Variants in NHSL2 observed in about 807,000 individuals in gnomAD.
NHSL2 encodes the protein NHS like 2.
In NHSL2, 27 loss-of-function variants were observed where a neutral mutation model predicts 53.4. The ratio of observed to expected loss-of-function variants is 0.51; its 90% confidence interval spans 0.37 to 0.70. NHSL2 has a LOEUF of 0.70. Among genes scored for constraint, NHSL2 ranks in the 30% least tolerant of loss-of-function variants. The pLI is 0.00. For missense variants in NHSL2, 892 were observed against 980.1 expected, an observed-to-expected ratio of 0.91 and a Z score of 1.20; for synonymous variants, 408 against 404.1, an observed-to-expected ratio of 1.01 and a Z score of -0.12.
At chrX:72,126,305 C>T (rs933907935) in intron 1 of NHSL2, among the ~76,000 whole-genome samples, 4 of 110,990 alleles carry the variant, frequency 3.6e-5, no homozygotes, top group South Asian at 3.8e-4. Context: ...GCAGGGCCAG[C>T]GGAGTGGGGG....
intron 1 of NHSL2, among the ~76,000 whole-genome samples, chrX:72,020,712 G>A (rs774729774): frequency 5.3e-5 from 6 of 112,734 alleles, no homozygotes; most frequent in South Asian, 3.7e-4. Flanking sequence ...GGCCCCTGCC[G>A]TTTTAAAGCT....
chrX:72,010,210 C>T (rs1356668675), intron 1 of NHSL2, among the ~76,000 whole-genome samples: 1 of 112,141 alleles, frequency 8.9e-6, no homozygotes, highest in Non-Finnish European at 1.9e-5. Context: ...CAAAGGTAGC[C>T]TTGATTGCTA....
intron 1 of NHSL2, among the ~76,000 whole-genome samples, chrX:71,989,727 C>G (rs1342999909): frequency 8.9e-6 from 1 of 112,595 alleles, no homozygotes; most frequent in Non-Finnish European, 1.9e-5. Flanking sequence ...AATGCTGCAG[C>G]CTCTTCCCAG....
Position 72,033,826 on chromosome X carries a change from C to T in NHSL2, c.281-98253C>T, listed in dbSNP as rs368913784. Among the ~76,000 whole-genome samples, 44 of 111,171 alleles carry T rather than the reference C, an allele frequency of 4.0e-4. No individual in the cohort carries two copies. In the South Asian group the frequency reaches 0.015, roughly 38 times the overall value. ...ATTTTCTATATATATATAATTATGTCGTCTGCAAATAGGGACAGTTTTATT... is the reference window on the plus strand; with the variant it reads ...ATTTTCTATATATATATAATTATGTTGTCTGCAAATAGGGACAGTTTTATT... On this transcript the variant is annotated intron_variant, in intron 1 of 7. Coordinates refer to ENST00000633930, the MANE Select transcript of NHSL2 (RefSeq NM_001013627.3).
At chrX:71,984,289 A>G (rs747737922) in intron 1 of NHSL2, among the ~76,000 whole-genome samples, 7 of 112,319 alleles carry the variant, frequency 6.2e-5, no homozygotes, top group South Asian at 7.4e-4. Context: ...TAAGTATTCA[A>G]TGTAAGAAAA....
chrX:72,144,270 C>CCCCCCCCCCCAAAAAAAAAA lies in NHSL2; in HGVS notation c.*696_*697insCCCCCCCCCCAAAAAAAAAA. On this transcript the variant is annotated 3_prime_UTR_variant, in exon 8 of 8. Coordinates refer to ENST00000633930, the MANE Select transcript of NHSL2 (RefSeq NM_001013627.3). ...ATATAGACGCCCCCCCACCCACCCCCATTAGCTAGAAAAGACCAGGACTGG... is the reference window on the plus strand; with the variant it reads ...ATATAGACGCCCCCCCACCCACCCCCCCCCCCCCCCAAAAAAAAAAATTAGCTAGAAAAGACCAGGACTGG... The CCCCCCCCCCCAAAAAAAAAA allele has an allele frequency of 9.8e-6, 1 of 102,076 alleles. No homozygotes were observed. The highest frequency in any genetic ancestry group is 2.0e-5 in the Non-Finnish European group (1 of 50,383). The allele number at this position is 102,076 out of a possible 1,213,427, so 8.4% of individuals were successfully genotyped here.
intron 1 of NHSL2, among the ~76,000 whole-genome samples, chrX:72,051,512 C>A (rs774224802): frequency 9.8e-4 from 110 of 111,690 alleles, no homozygotes; most frequent in Non-Finnish European, 1.9e-3. Context: ...CCACTCTGTT[C>A]TCACAGTGAC....
At chrX:72,142,816 A>G (rs1177401244) in intron 7 of NHSL2, among the ~76,000 whole-genome samples, 1 of 112,145 alleles carries the variant, frequency 8.9e-6, no homozygotes, top group Non-Finnish European at 1.9e-5. Flanking sequence ...GGAACTTAGG[A>G]AAAGAGGAAC....
intron 1 of NHSL2, among the ~76,000 whole-genome samples, chrX:72,116,254 C>T (rs2042138051): frequency 8.9e-6 from 1 of 111,986 alleles, no homozygotes; most frequent in African/African-American, 3.3e-5. Flanking sequence ...CAACTGTTAT[C>T]GTTGGAAATA....
chrX:72,044,762 A>G (rs2042295994), intron 1 of NHSL2: 1 of 1,014,368 alleles, frequency 9.9e-7, no homozygotes, highest in African/African-American at 1.9e-5. Context: ...AAGCTACATT[A>G]CTGTGTGAGT....
intron 1 of NHSL2, among the ~76,000 whole-genome samples, chrX:72,002,517 T>C (rs1285929206): frequency 1.8e-5 from 2 of 112,306 alleles, no homozygotes; most frequent in African/African-American, 3.2e-5. Flanking sequence ...GAGAGTACCA[T>C]GTACCCGACT....
chrX:71,978,361 G>C (rs1305559051), intron 1 of NHSL2, among the ~76,000 whole-genome samples: 1 of 111,985 alleles, frequency 8.9e-6, no homozygotes, highest in Non-Finnish European at 1.9e-5. Flanking sequence ...CTGCCCTTGG[G>C]TGGTGCTTTA....
chrX:71,911,860 G>T (rs937012056), intron 1 of NHSL2, among the ~76,000 whole-genome samples: 1 of 112,570 alleles, frequency 8.9e-6, no homozygotes, highest in East Asian at 2.8e-4. Context: ...CGGCGGTGGT[G>T]CCTACAGGCT....
intron 1 of NHSL2, among the ~76,000 whole-genome samples, chrX:71,971,343 T>C (rs988526227): frequency 8.9e-6 from 1 of 112,243 alleles, no homozygotes; most frequent in Non-Finnish European, 1.9e-5. Flanking sequence ...ATTATGTCCA[T>C]GTGTGTTACA....
At chrX:72,081,186 A>G (rs1309556707) in intron 1 of NHSL2, among the ~76,000 whole-genome samples, 1 of 112,389 alleles carries the variant, frequency 8.9e-6, no homozygotes, top group Non-Finnish European at 1.9e-5. Flanking sequence ...GCTGTTTGGC[A>G]TGGAGAAGAA....
intron 1 of NHSL2, among the ~76,000 whole-genome samples, chrX:71,939,308 G>C (rs776892512): frequency 8.9e-6 from 1 of 112,071 alleles, no homozygotes; most frequent in Admixed American, 9.4e-5. Context: ...GGGAGCAGGG[G>C]ACCATGGAAT....
At chrX:71,961,211 A>C (rs758027368) in intron 1 of NHSL2, among the ~76,000 whole-genome samples, 1 of 111,431 alleles carries the variant, frequency 9.0e-6, no homozygotes, top group South Asian at 3.7e-4. Context: ...AGTACAACTG[A>C]TTTTAACATA....
intron 1 of NHSL2, among the ~76,000 whole-genome samples, chrX:72,084,071 C>A (rs1038986694): frequency 8.9e-6 from 1 of 112,395 alleles, no homozygotes; most frequent in Non-Finnish European, 1.9e-5. Flanking sequence ...TCCTTCAAAT[C>A]CCCCAGGTTA....
At chrX:72,015,196 G>GT (rs2042130804) in intron 1 of NHSL2, among the ~76,000 whole-genome samples, 1 of 111,173 alleles carries the variant, frequency 9.0e-6, no homozygotes, top group Non-Finnish European at 1.9e-5. Context: ...TCTCTTGCAG[G>GT]TGTACATTCT....
Sources: gnomAD v4.1 joint callset for allele counts (sites outside exome capture counted in the v4.1 genomes callset) on GRCh38, gnomAD v4.1.1 for gene constraint, MANE v1.5 for transcripts, NCBI Gene and HGNC (gene_info 2026-07-23, HGNC 2026-07-21) for gene names.